Variants in SRPK2 observed in about 807,000 individuals in gnomAD.
SRPK2 encodes the protein SRSF protein kinase 2, also known as SFRS protein kinase 2.
SRPK2 carries 21 observed loss-of-function variants against 90.8 expected under a neutral mutation model. The ratio of observed to expected loss-of-function variants is 0.23; its 90% confidence interval spans 0.16 to 0.33. The LOEUF (loss-of-function observed/expected upper bound fraction) is 0.33. SRPK2 is among the 10% of genes least tolerant of loss of function. The probability of loss-of-function intolerance (pLI) is 1.00; values close to 1 mark genes in which losing one functional copy is unlikely to be tolerated. For missense variants in SRPK2, 620 were observed against 869.0 expected, an observed-to-expected ratio of 0.71 and a Z score of 3.60; for synonymous variants, 288 against 311.1, an observed-to-expected ratio of 0.93 and a Z score of 0.78.
chr7:105,227,862 T>A (rs1798898579), intron 2 of SRPK2, among the ~76,000 whole-genome samples: 1 of 128,182 alleles, frequency 7.8e-6, no homozygotes. Context: ...AAACCAAATG[T>A]AGTGTATCCA....
intron 2 of SRPK2, among the ~76,000 whole-genome samples, chr7:105,375,978 CATTT>C (rs1363409063): frequency 2.6e-5 from 2 of 76,886 alleles, no homozygotes; most frequent in African/African-American, 9.0e-5. Flanking sequence ...AATGAGAATT[CATTT>C]CTTTTTTTTT....
chr7:105,293,776 C>T lies in SRPK2; in HGVS notation c.72-89991G>A, dbSNP rs556960081. Among the ~76,000 whole-genome samples the T allele has an allele frequency of 2.0e-5, 3 of 152,272 alleles. No individual in the cohort carries two copies. The South Asian group carries it at 6.2e-4, about 32-fold the overall frequency. ...TGAAACCCTGCAAGATAAGATATGTCCAATGTTACCTAGCTAAGTAAGTAA... is the reference window on the plus strand; with the variant it reads ...TGAAACCCTGCAAGATAAGATATGTTCAATGTTACCTAGCTAAGTAAGTAA... On this transcript the variant is annotated intron_variant, in intron 2 of 15. Transcript: ENST00000393651.
intron 4 of SRPK2, among the ~76,000 whole-genome samples, chr7:105,168,745 A>ATGTATGTGTGTGTGTGTGTG (rs1790413401): frequency 9.6e-6 from 1 of 104,008 alleles, no homozygotes; most frequent in Non-Finnish European, 2.1e-5. Flanking sequence ...CACGCACCAA[A>ATGTATGTGTGTGTGTGTGTG]TGTGTGTGTG....
At chr7:105,292,128 T>C (rs1809113691) in intron 2 of SRPK2, among the ~76,000 whole-genome samples, 1 of 152,226 alleles carries the variant, frequency 6.6e-6, no homozygotes, top group Admixed American at 6.5e-5. Context: ...CAATGATTCT[T>C]GACAGTCATA....
chr7:105,129,522 G>A (rs543641283), intron 13 of SRPK2, among the ~76,000 whole-genome samples: 45 of 147,438 alleles, frequency 3.1e-4, no homozygotes, highest in African/African-American at 1.1e-3. Flanking sequence ...CTATAGGCAC[G>A]TGCCACCATG....
At chr7:105,376,853 T>G (rs1173076557) in intron 2 of SRPK2, among the ~76,000 whole-genome samples, 3 of 65,420 alleles carry the variant, frequency 4.6e-5, no homozygotes, top group Non-Finnish European at 8.2e-5. Flanking sequence ...CCCCCCTTTT[T>G]TTTTTAATAA....
intron 2 of SRPK2, among the ~76,000 whole-genome samples, chr7:105,249,507 C>A (rs1459735052): frequency 2.4e-4 from 36 of 151,232 alleles, no homozygotes; most frequent in Non-Finnish European, 1.5e-5. Context: ...AAAAAAAAAA[C>A]TGGTCAAATT....
chr7:105,222,500 T>C (rs1015719961), intron 2 of SRPK2, among the ~76,000 whole-genome samples: 3 of 152,256 alleles, frequency 2.0e-5, no homozygotes, highest in African/African-American at 7.2e-5. Context: ...AATTTAAGCA[T>C]TTTAAGCAGA....
chr7:105,220,048 A>G (rs545941145), intron 2 of SRPK2, among the ~76,000 whole-genome samples: 7 of 152,344 alleles, frequency 4.6e-5, no homozygotes, highest in African/African-American at 1.4e-4. Flanking sequence ...GAAGTTTAAG[A>G]ACTCAAATAG....
chr7:105,353,980 A>G (rs1050696759), intron 2 of SRPK2, among the ~76,000 whole-genome samples: 9 of 152,204 alleles, frequency 5.9e-5, no homozygotes, highest in African/African-American at 2.2e-4. Context: ...AGGAAGCCTG[A>G]GCAGTTGTGG....
intron 2 of SRPK2, among the ~76,000 whole-genome samples, chr7:105,280,977 A>C (rs1197624265): frequency 2.4e-5 from 3 of 123,360 alleles, no homozygotes; most frequent in Non-Finnish European, 3.5e-5. Context: ...AAAAAAAAAA[A>C]AAAAAAAACC....
intron 2 of SRPK2, among the ~76,000 whole-genome samples, chr7:105,341,347 G>C (rs1815752931): frequency 8.8e-6 from 1 of 113,906 alleles, no homozygotes; most frequent in Admixed American, 1.1e-4. Context: ...GAAAGGGCGA[G>C]ACTCCGTCTC....
chr7:105,263,295 C>A (rs1026160337), intron 2 of SRPK2, among the ~76,000 whole-genome samples: 2 of 151,774 alleles, frequency 1.3e-5, no homozygotes, highest in Admixed American at 1.3e-4. Context: ...TTTACTCCAG[C>A]CTGGGCAAAA....
chr7:105,266,619 G>A (rs67529088), intron 2 of SRPK2, among the ~76,000 whole-genome samples: 109 of 151,916 alleles, frequency 7.2e-4, no homozygotes, highest in African/African-American at 2.5e-3. Flanking sequence ...CTAAGATTTA[G>A]AGCACCATGC....
intron 2 of SRPK2, among the ~76,000 whole-genome samples, chr7:105,280,615 G>A (rs1182137098): frequency 6.8e-6 from 1 of 146,516 alleles, no homozygotes; most frequent in African/African-American, 2.6e-5. Context: ...ATGATTGTGG[G>A]AGGCTATTTA....
At chr7:105,340,889 A>G (rs1321964667) in intron 2 of SRPK2, among the ~76,000 whole-genome samples, 1 of 152,188 alleles carries the variant, frequency 6.6e-6, no homozygotes, top group Non-Finnish European at 1.5e-5. Context: ...GCTGCAATAA[A>G]GACTTTTCTA....
At chr7:105,192,720 A>G (rs1049409675) in intron 3 of SRPK2, among the ~76,000 whole-genome samples, 1 of 151,800 alleles carries the variant, frequency 6.6e-6, no homozygotes, top group Non-Finnish European at 1.5e-5. Context: ...TTATTTTTTG[A>G]TTTTTTGATT....
At chr7:105,149,513 T>C (rs1805276119) in intron 7 of SRPK2, among the ~76,000 whole-genome samples, 1 of 152,176 alleles carries the variant, frequency 6.6e-6, no homozygotes, top group South Asian at 2.1e-4. Context: ...CAGAGACCGG[T>C]GCCGGTGCAG....
At chr7:105,134,746 C>G (rs1278445635) in intron 11 of SRPK2, among the ~76,000 whole-genome samples, 3 of 152,190 alleles carry the variant, frequency 2.0e-5, no homozygotes, top group Non-Finnish European at 4.4e-5. Context: ...GGTGCCCACA[C>G]AGCTCCCTAG....
Sources: gnomAD v4.1 joint callset for allele counts (sites outside exome capture counted in the v4.1 genomes callset) on GRCh38, gnomAD v4.1.1 for gene constraint, MANE v1.5 for transcripts, NCBI Gene and HGNC (gene_info 2026-07-23, HGNC 2026-07-21) for gene names.